The following CHRNE variants were observed in gnomAD, a reference collection of about 807,000 sequenced individuals.
The protein encoded by CHRNE is acetylcholine receptor subunit epsilon.
In CHRNE, 58 loss-of-function variants were observed where a neutral mutation model predicts 56.5. The ratio of observed to expected loss-of-function variants is 1.03; its 90% CI spans 0.83 to 1.28. CHRNE has a LOEUF of 1.28. Among genes scored for constraint, CHRNE ranks in the 50% most tolerant of loss-of-function variants. The probability of loss-of-function intolerance (pLI) is 0.00; values close to 1 mark genes in which losing one functional copy is unlikely to be tolerated. For synonymous variants in CHRNE, 385 were observed against 297.9 expected (o/e 1.29, Z -3.01); for missense variants, 793 against 688.9 (o/e 1.15, Z -1.69).
At chr17:4,901,826 C>T in intron 5 of CHRNE, 106 bp downstream of exon 5, 1 of 1,525,870 alleles carries the variant, frequency 6.6e-7, no homozygotes, top group Non-Finnish European at 9.0e-7. Flanking sequence ...CTGGCTCCGC[C>T]TCCAGCGCGA....
upstream of CHRNE, among the ~76,000 whole-genome samples, chr17:4,905,682 G>A (rs1250094775): frequency 6.6e-6 from 1 of 152,022 alleles, no homozygotes; most frequent in Non-Finnish European, 1.5e-5. Flanking sequence ...CCAACATGGT[G>A]AAACCCCATC....
intron 8 of CHRNE, chr17:4,899,913 C>A: frequency 6.5e-7 from 1 of 1,549,828 alleles, no homozygotes; most frequent in Non-Finnish European, 8.7e-7. Context: ...CCCTGCTACT[C>A]TACTGCTCTG....
chr17:4,907,429 A>G (rs112524797), upstream of CHRNE, among the ~76,000 whole-genome samples: 14,844 of 151,450 alleles, frequency 0.098, 735 homozygotes, highest in African/African-American at 0.12. Flanking sequence ...TTAGCCGGGC[A>G]TGGTGGCGGG....
In CHRNE at chr17:4,899,303, C is replaced by A. The variant is rs1458794342; in HGVS notation, c.1114G>T (p.Ala372Ser). 2 of 1,590,994 alleles carry A rather than the reference C, an allele frequency of 1.3e-6. No homozygotes were observed. ...CGGAGCAATAAGCCCACCGACGACGCCCGCCTTGGGGGCGAGGCGGCCCGG... is the reference window on the plus strand; with the variant it reads ...CGGAGCAATAAGCCCACCGACGACGACCGCCTTGGGGGCGAGGCGGCCCGG... ...APRAASPPRR[A>S]SSVGLLLRAE... Residue 372 changes from alanine to serine, a missense_variant, in exon 10 of 12, where the codon GCG (alanine) becomes TCG (serine). By Grantham distance (99) the Ala-to-Ser change is moderately conservative. Coordinates refer to ENST00000649488, the MANE Select transcript of CHRNE (RefSeq NM_000080.4).
rs370770111 is a variant in CHRNE at position 4,899,085 on chromosome 17, G to C, written c.1242C>G (p.Gly414=). Residue 414 remains glycine, a synonymous_variant, in exon 11 of 12, where the codon GGC becomes GGG. Coordinates refer to ENST00000649488, the MANE Select transcript of CHRNE (RefSeq NM_000080.4). ...TWTAAFCQSL[G]AAAPEVRCCV... is the part of the protein sequence containing the mutation. ...AGCAGCGGACCTCGGGGGCGGCGGC[G>C]CCCAGGCTCTGGCAGAAGGCAGCTG... 2.5e-6 allele frequency: 4 copies of C among 1,610,772 alleles called. No individual in the cohort carries two copies. The African/African-American group carries it at 4.0e-5, about 16-fold the overall frequency.
chr17:4,902,939 G>T lies in CHRNE; in HGVS notation c.46+79C>A. On this transcript the variant is annotated intron_variant, in intron 1 of 11. Transcript: ENST00000649488. This position sits in a 1 kb window ranked among gnomAD's most constrained non-coding sequence, Gnocchi z 4.0. Reference sequence around the variant, plus strand: ...AATACTGTGTCTAAGTCTCCATCTTGGTCTCTGTCTTTGTCTTCCCAGTCC... The same window carrying T: ...AATACTGTGTCTAAGTCTCCATCTTTGTCTCTGTCTTTGTCTTCCCAGTCC... The T allele has an allele frequency of 6.3e-7, 1 of 1,595,812 alleles. No homozygotes were observed. The highest frequency in any genetic ancestry group is 1.1e-5 in the South Asian group (1 of 90,686).
Position 4,902,560 on chromosome 17 carries a change from G to T in CHRNE, c.189+61C>A, listed in dbSNP as rs529299442. 1 of 1,614,086 alleles carries T rather than the reference G, an allele frequency of 6.2e-7. No individual in the cohort carries two copies. Among genetic ancestry groups the T allele is most frequent in the African/African-American group, 1.3e-5 (1 of 75,032 alleles). The stretch of plus-strand genomic sequence containing the variant: ...GGCCAGAAGTGAGCTTTAGGACAGA[G>T]CTCAGCGGTTGGGGCCAGAAGTGGG... On this transcript the variant is annotated intron_variant, in intron 2 of 11. Coordinates refer to ENST00000649488, the MANE Select transcript of CHRNE (RefSeq NM_000080.4). The surrounding 1 kb of genome is among the most constrained non-coding windows in gnomAD (Gnocchi z 4.0).
chr17:4,902,685 A>T lies in CHRNE; in HGVS notation c.125T>A (p.Val42Glu). 6.2e-7 allele frequency: 1 copy of T among 1,613,752 alleles called. No homozygotes were observed. Among genetic ancestry groups the T allele is most frequent in the Non-Finnish European group, 8.5e-7 (1 of 1,179,910 alleles). The change falls in exon 2 of 12, where the codon GTG (valine) becomes GAG (glutamate). Residue 42 changes from valine to glutamate, a missense_variant. Coordinates refer to ENST00000649488, the MANE Select transcript of CHRNE (RefSeq NM_000080.4). This position sits in a 1 kb window ranked among gnomAD's most constrained non-coding sequence, Gnocchi z 4.0. The part of the protein sequence containing the change: ...FNNYDPGSRP[V>E]REPEDTVTIS... The stretch of plus-strand genomic sequence containing the variant: ...GGTGACAGTATCCTCAGGCTCCCGC[A>T]CTGGCCGGCTTCCTGGGTCATAGTT...
Position 4,899,337 on chromosome 17 carries a change from G to A in CHRNE, c.1080C>T (p.Pro360=), listed in dbSNP as rs886042727. 5.2e-6 allele frequency: 8 copies of A among 1,547,780 alleles called. No individual in the cohort carries two copies. The highest frequency in any genetic ancestry group is 1.9e-4 in the Middle Eastern group (1 of 5,364). The change falls in exon 10 of 12, where the codon CCC becomes CCT. Residue 360 remains proline (P), a synonymous_variant. Transcript: ENST00000649488. ...GGGGCGAGGCGGCCCGGGGGGCCTC[G>A]GGCGGCGGCGGGGAGCCCAGGAGGC... is the stretch of plus-strand genomic sequence containing the variant. ...LPRLLGSPPP[P]EAPRAASPPR... is the part of the protein sequence containing the mutation.
chr17:4,901,028 G>C lies in CHRNE; in HGVS notation c.764C>G (p.Ser255Trp). The C allele has an allele frequency of 6.2e-7, 1 of 1,614,038 alleles. No homozygotes were observed. Among genetic ancestry groups the C allele is most frequent in the East Asian group, 2.2e-5 (1 of 44,872 alleles). ...GAAGTAGGCGAGCAGCACCAGGCCC[G>C]AGATGAGCACACAGGGCACGATGAT... ...INIIVPCVLI[S>W]GLVLLAYFLP... The change falls in exon 7 of 12, where the codon TCG becomes TGG. Residue 255 changes from serine (S) to tryptophan (W), a missense_variant. Ser to Trp is a radical substitution (Grantham distance 177). Transcript: ENST00000649488.
intron 1 of CHRNE, among the ~76,000 whole-genome samples, chr17:4,908,196 T>A (rs7214599): frequency 6.6e-6 from 1 of 152,094 alleles, no homozygotes; most frequent in African/African-American, 2.4e-5. Flanking sequence ...TAAAATGCAA[T>A]AGTTAACAAA....
At position 4,902,757 on chromosome 17, in the gene CHRNE, C is replaced by G. The variant is rs4790235; in HGVS notation, c.53G>C (p.Gly18Ala). Reference sequence around the variant, plus strand: ...ACGCAGTTCCTCGTTCTTCCCCACACCCCTGCCTGCGATGGGGTCAAGAAG... The same window carrying G: ...ACGCAGTTCCTCGTTCTTCCCCACAGCCCTGCCTGCGATGGGGTCAAGAAG... ...VLLLLGLLGRGVGKNEELRLY... is the reference protein window; with the variant it reads ...VLLLLGLLGRAVGKNEELRLY... The change falls in exon 2 of 12, where the codon GGT becomes GCT. Residue 18 changes from glycine to alanine, a missense_variant. Transcript: ENST00000649488. This position sits in a 1 kb window ranked among gnomAD's most constrained non-coding sequence, Gnocchi z 4.0. The G allele has an allele frequency of 4.5e-5, 73 of 1,613,920 alleles. No individual in the cohort carries two copies. Among genetic ancestry groups the G allele is most frequent in the Non-Finnish European group, 6.2e-5 (73 of 1,180,012 alleles).
chr17:4,901,524 C>G lies in CHRNE; in HGVS notation c.601+1G>C. The G allele has an allele frequency of 6.2e-7, 1 of 1,613,928 alleles. No homozygotes were observed. The highest frequency in any genetic ancestry group is 8.5e-7 in the Non-Finnish European group (1 of 1,179,808). ...TTTTTCTGAGCAGGCAGGGGCTTCACCAGTATAGGCCTCTGTGTCGATGTC... is the reference window on the plus strand; with the variant it reads ...TTTTTCTGAGCAGGCAGGGGCTTCAGCAGTATAGGCCTCTGTGTCGATGTC... On this transcript the variant is annotated splice_donor_variant, in intron 6 of 11. Transcript: ENST00000649488. LOFTEE classifies it high-confidence loss of function.
chr17:4,899,603 G>A, intron 8 of CHRNE, 21 bp from the exon 9 acceptor site: 1 of 1,531,286 alleles, frequency 6.5e-7, no homozygotes, highest in Non-Finnish European at 8.9e-7. Flanking sequence ...CGGAAGGCAT[G>A]ACATCACCGT....
At position 4,902,211 on chromosome 17, in the gene CHRNE, T is replaced by C; in HGVS notation, c.344+6A>G. On this transcript the variant is annotated splice_donor_region_variant and intron_variant, in intron 4 of 11. Coordinates refer to ENST00000649488, the MANE Select transcript of CHRNE (RefSeq NM_000080.4). The surrounding 1 kb of genome is among the most constrained non-coding windows in gnomAD (Gnocchi z 4.0). ...CCTCCAGCCTGGCGTCTGGCCCGGT[T>C]CTCACTTGTTTTCCAGCACAATCTC... 6.2e-7 allele frequency: 1 copy of C among 1,613,624 alleles called. No homozygotes were observed. Among genetic ancestry groups the C allele is most frequent in the East Asian group, 2.2e-5 (1 of 44,816 alleles).
Position 4,900,911 on chromosome 17 carries a change from G to GAGGGAGAGCC in CHRNE, c.803-14_803-5dup, listed in dbSNP as rs767922649. On this transcript the variant is annotated splice_polypyrimidine_tract_variant and splice_region_variant and intron_variant, in intron 7 of 11. Transcript: ENST00000649488. ...ACCGTGCATTTCTGGCCGCCGGCTG[G>GAGGGAGAGCC]AGGGAGAGCCAGTGAGAGCGGGCCC... 22 of 1,614,024 alleles carry GAGGGAGAGCC rather than the reference G, an allele frequency of 1.4e-5. No individual in the cohort carries two copies. The Admixed American group carries it at 2.0e-4, about 15-fold the overall frequency.
chr17:4,905,874 A>G (rs1970087350), upstream of CHRNE, among the ~76,000 whole-genome samples: 2 of 152,108 alleles, frequency 1.3e-5, no homozygotes, highest in South Asian at 4.1e-4. Context: ...AAACAAAAAA[A>G]TGAAGTTTCT....
chr17:4,902,341 A>G lies in CHRNE; in HGVS notation c.235-15T>C, dbSNP rs1970019206. ...TCCTGCCAATCCTAAGGGGTGGGGGATGGAAGGCCGCGTGCCCTGCATCTC... is the reference window on the plus strand; with the variant it reads ...TCCTGCCAATCCTAAGGGGTGGGGGGTGGAAGGCCGCGTGCCCTGCATCTC... On this transcript the variant is annotated splice_polypyrimidine_tract_variant and intron_variant, in intron 3 of 11. Coordinates refer to ENST00000649488, the MANE Select transcript of CHRNE (RefSeq NM_000080.4). The surrounding 1 kb of genome is among the most constrained non-coding windows in gnomAD (Gnocchi z 4.0). The G allele has an allele frequency of 6.2e-7, 1 of 1,613,666 alleles. No individual in the cohort carries two copies.
In CHRNE at chr17:4,898,544, T is replaced by G; in HGVS notation, c.*192A>C. 2.8e-6 allele frequency: 2 copies of G among 705,016 alleles called. No homozygotes were observed. The allele number at this position is 705,016 out of a possible 1,614,324, so 43.7% of individuals were successfully genotyped here. A position where few individuals can be genotyped will look rare whatever the true frequency, so the allele number is the denominator to read the frequency against. On this transcript the variant is annotated 3_prime_UTR_variant, in exon 12 of 12. Transcript: ENST00000649488. ...CACCTGAGAGCCTATGTGAACCCTT[T>G]CCTCCTGCTGACCCCTGGACTGCGG...
Sources: gnomAD v4.1 joint callset for allele counts (sites outside exome capture counted in the v4.1 genomes callset) on GRCh38, gnomAD v4.1.1 for gene constraint, Gnocchi (gnomAD v3.1) non-coding constraint, MANE v1.5 for transcripts, NCBI Gene and HGNC (gene_info 2026-07-23, HGNC 2026-07-21) for gene names.